The following LPGAT1 variants were observed in gnomAD, a reference collection of about 807,000 sequenced individuals.
LPGAT1 encodes acyl-CoA:lysophosphatidylglycerol acyltransferase 1.
LPGAT1 carries 11 observed loss-of-function variants against 47.5 expected under a neutral mutation model. The observed-to-expected ratio is 0.23, with a 90% CI of 0.15 to 0.38. LPGAT1 has a LOEUF of 0.38. Ranked by LOEUF, LPGAT1 falls within the 10% of genes least tolerant of loss-of-function variation. The pLI is 1.00. For missense variants in LPGAT1, 293 were observed against 439.0 expected (o/e 0.67, Z 2.97); for synonymous variants, 138 against 144.2 (o/e 0.96, Z 0.31).
intron 6 of LPGAT1, among the ~76,000 whole-genome samples, chr1:211,751,865 C>T (rs892776588): frequency 6.6e-6 from 1 of 151,942 alleles, no homozygotes; most frequent in Non-Finnish European, 1.5e-5. Context: ...TCATTTCTGC[C>T]CTCCCCAGAA....
chr1:211,797,010 C>A lies in LPGAT1; in HGVS notation c.239-3820G>T, dbSNP rs140444836. Reference sequence around the variant, plus strand: ...GTGGCTCACGTCTATAATCCCAGCACTTTGGGAGGCCAAGGTGGGTGGATC... The same window carrying A: ...GTGGCTCACGTCTATAATCCCAGCAATTTGGGAGGCCAAGGTGGGTGGATC... On this transcript the variant is annotated intron_variant, in intron 2 of 7. Transcript: ENST00000366997. Among the ~76,000 whole-genome samples the A allele has an allele frequency of 4.4e-3, 676 of 152,198 alleles. 4 individuals are homozygous for A. Among genetic ancestry groups the A allele is most frequent in the African/African-American group, 0.016 (653 of 41,512 alleles).
chr1:211,798,070 C>T (rs554920405), intron 2 of LPGAT1, among the ~76,000 whole-genome samples: 31 of 152,138 alleles, frequency 2.0e-4, no homozygotes, highest in African/African-American at 6.7e-4. Context: ...ATAGAAACAA[C>T]CCATCAAAAA....
intron 2 of LPGAT1, among the ~76,000 whole-genome samples, chr1:211,805,300 C>T (rs778073262): frequency 3.9e-4 from 60 of 152,188 alleles, no homozygotes; most frequent in Non-Finnish European, 6.9e-4. Flanking sequence ...ATAAACCCAT[C>T]GTAAGTTGAA....
At chr1:211,802,927 T>A (rs1449467606) in intron 2 of LPGAT1, 1 of 152,240 alleles carries the variant, frequency 6.6e-6, no homozygotes, top group African/African-American at 2.4e-5. Context: ...AGGAATCAGA[T>A]TAACTTGGAA....
At chr1:211,818,754 T>C (rs1373705671) in intron 2 of LPGAT1, among the ~76,000 whole-genome samples, 2 of 152,210 alleles carry the variant, frequency 1.3e-5, no homozygotes, top group Non-Finnish European at 2.9e-5. Flanking sequence ...ATTTATTTCA[T>C]ATTCCTTACT....
intron 4 of LPGAT1, among the ~76,000 whole-genome samples, chr1:211,784,200 G>A (rs186791605): frequency 1.0e-3 from 154 of 152,274 alleles, no homozygotes; most frequent in African/African-American, 3.6e-3. Context: ...AATGAGAAAA[G>A]CCTTATGCAT....
chr1:211,817,596 T>G (rs1660220494), intron 2 of LPGAT1, among the ~76,000 whole-genome samples: 2 of 152,000 alleles, frequency 1.3e-5, no homozygotes, highest in South Asian at 4.1e-4. Flanking sequence ...AAGAAAGAAT[T>G]TTTAATAATC....
Position 211,748,434 on chromosome 1 carries a change from CA to C in LPGAT1, c.*1464del, listed in dbSNP as rs1395445994. On this transcript the variant is annotated 3_prime_UTR_variant, in exon 8 of 8. Transcript: ENST00000366997. ...GCGTGGTGGCTCACGCCTGCAATCC[CA>C]GCACTTTAGGAAGCCGAGGTGGGCA... 3 of 152,250 alleles carry C rather than the reference CA, an allele frequency of 2.0e-5. No individual in the cohort carries two copies. The highest frequency in any genetic ancestry group is 7.2e-5 in the African/African-American group (3 of 41,456). 9.4% of individuals were successfully genotyped at this position (152,250 alleles called of 1,614,324 possible). A position where few individuals can be genotyped will look rare whatever the true frequency, so the allele number is the denominator to read the frequency against.
At chr1:211,784,952 T>C (rs6696451) in intron 4 of LPGAT1, among the ~76,000 whole-genome samples, 7,530 of 151,968 alleles carry the variant, frequency 0.05, 248 homozygotes, top group African/African-American at 0.097. Flanking sequence ...TACAGGCGCC[T>C]GCCACCACAC....
chr1:211,758,444 T>C (rs1324368399), intron 6 of LPGAT1, among the ~76,000 whole-genome samples: 1 of 152,224 alleles, frequency 6.6e-6, no homozygotes, highest in African/African-American at 2.4e-5. Flanking sequence ...GGCTCACACC[T>C]GTAATCCCAG....
At position 211,816,006 on chromosome 1, in the gene LPGAT1, C is replaced by T. The variant is rs144140122; in HGVS notation, c.238+13053G>A. 2.4e-3 allele frequency among the ~76,000 whole-genome samples: 372 copies of T among 152,122 alleles called. 3 individuals are homozygous for T. The highest frequency in any genetic ancestry group is 8.3e-3 in the African/African-American group (345 of 41,500). ...CCGTGTTAGCCAGGATAGTCGCAAT[C>T]TCTTGACATTGTGATCCACCCGACT... On this transcript the variant is annotated intron_variant, in intron 2 of 7. Transcript: ENST00000366997.
At chr1:211,794,053 G>A (rs1312602968) in intron 2 of LPGAT1, among the ~76,000 whole-genome samples, 1 of 152,156 alleles carries the variant, frequency 6.6e-6, no homozygotes, top group African/African-American at 2.4e-5. Flanking sequence ...AAAACGTCTA[G>A]AAAAATAAAT....
At chr1:211,808,803 T>C (rs780516046) in intron 2 of LPGAT1, among the ~76,000 whole-genome samples, 4 of 152,192 alleles carry the variant, frequency 2.6e-5, no homozygotes, top group Non-Finnish European at 5.9e-5. Flanking sequence ...ATCAAAGTAA[T>C]AATGGGAGGC....
chr1:211,773,256 G>A (rs61828464), intron 6 of LPGAT1, among the ~76,000 whole-genome samples: 17,687 of 152,000 alleles, frequency 0.12, 1,251 homozygotes, highest in Non-Finnish European at 0.15. Flanking sequence ...AAATCTGATC[G>A]GCTTGAAATG....
intron 7 of LPGAT1, 147 bp downstream of exon 7, chr1:211,750,814 G>T: frequency 1.6e-6 from 1 of 612,790 alleles, no homozygotes; most frequent in Non-Finnish European, 2.9e-6. Context: ...CCCAGGGTAA[G>T]CTGATTCATG....
At chr1:211,797,033 A>C (rs545215579) in intron 2 of LPGAT1, among the ~76,000 whole-genome samples, 1 of 152,236 alleles carries the variant, frequency 6.6e-6, no homozygotes, top group Admixed American at 6.5e-5. Context: ...AGGTGGGTGG[A>C]TCACTTGAGG....
At position 211,829,272 on chromosome 1, in the gene LPGAT1, G is replaced by A. The variant is rs765434474; in HGVS notation, c.25C>T (p.Pro9Ser). Residue 9 changes from proline to serine, a missense_variant, in exon 2 of 8, where the codon CCG becomes TCG. By Grantham distance (74) the Pro-to-Ser change is moderately conservative. Transcript: ENST00000366997. The part of the protein sequence containing the change: MAITLEEA[P>S]WLGWLLVKAL... ...TTCACCAAGAGCCAGCCCAGCCACG[G>A]AGCTTCTTCCAAAGTTATAGCCATT... 3 of 1,614,046 alleles carry A rather than the reference G, an allele frequency of 1.9e-6. No homozygotes were observed. The highest frequency in any genetic ancestry group is 2.5e-6 in the Non-Finnish European group (3 of 1,180,038).
intron 2 of LPGAT1, among the ~76,000 whole-genome samples, chr1:211,820,924 A>T (rs1660348036): frequency 6.6e-6 from 1 of 152,256 alleles, no homozygotes; most frequent in African/African-American, 2.4e-5. Context: ...GATATGAGAG[A>T]TAAAGGGAGA....
At chr1:211,783,793 G>A (rs979811292) in intron 4 of LPGAT1, among the ~76,000 whole-genome samples, 1 of 152,190 alleles carries the variant, frequency 6.6e-6, no homozygotes, top group Non-Finnish European at 1.5e-5. Flanking sequence ...TGCCTGCTAT[G>A]TGCCACGCAT....
Sources: gnomAD v4.1 joint callset for allele counts (sites outside exome capture counted in the v4.1 genomes callset) on GRCh38, gnomAD v4.1.1 for gene constraint, MANE v1.5 for transcripts, NCBI Gene and HGNC (gene_info 2026-07-23, HGNC 2026-07-21) for gene names.